The following SFI1 variants were observed in gnomAD, a reference collection of about 807,000 sequenced individuals.
The protein encoded by SFI1 is SFI1 centrin binding protein, also known as protein SFI1 homolog.
In SFI1, 195 loss-of-function variants were observed where a neutral mutation model predicts 207.5. The observed-to-expected ratio is 0.94, with a 90% confidence interval of 0.84 to 1.06. The LOEUF (loss-of-function observed/expected upper bound fraction) is 1.06, where lower values mean the gene tolerates loss of function less well. Ranked by LOEUF, SFI1 falls within the 50% of genes least tolerant of loss-of-function variation. The probability of loss-of-function intolerance (pLI) is 0.00; values close to 1 mark genes in which losing one functional copy is unlikely to be tolerated. For synonymous variants in SFI1, 630 were observed against 598.9 expected (o/e 1.05, Z -0.76); for missense variants, 1,634 against 1,588.0 (o/e 1.03, Z -0.49).
intron 7 of SFI1, among the ~76,000 whole-genome samples, chr22:31,559,137 ACT>A (rs2148217609): frequency 6.6e-6 from 1 of 151,890 alleles, no homozygotes; most frequent in South Asian, 2.1e-4. Context: ...TGTTCTTGGT[ACT>A]GGGCCAGGCA....
intron 12 of SFI1, among the ~76,000 whole-genome samples, chr22:31,582,046 T>G (rs183705700): frequency 6.6e-6 from 1 of 150,996 alleles, no homozygotes; most frequent in Non-Finnish European, 1.5e-5. Flanking sequence ...AAATGTCTTA[T>G]TTGTAGCTGC....
Position 31,618,140 on chromosome 22 carries a change from C to T in SFI1, c.3538C>T (p.Leu1180=), listed in dbSNP as rs2072125359. The T allele has an allele frequency of 6.3e-7, 1 of 1,584,202 alleles. No individual in the cohort carries two copies. The highest frequency in any genetic ancestry group is 2.3e-5 in the East Asian group (1 of 43,894). ...LWSCRRQASS[L]RRWLELNREE... ...GTCCTGTCGGCGGCAAGCGAGCAGC[C>T]TGCGCAGGTGGCTGGAGCTGAACAG... Residue 1180 remains leucine (L), a synonymous_variant, in exon 32 of 33, where the codon CTG becomes TTG. Coordinates refer to ENST00000400288, the MANE Select transcript of SFI1 (RefSeq NM_001007467.3).
At chr22:31,614,024 G>A (rs1313858893) in intron 27 of SFI1, 169 bp downstream of exon 27, 5 of 857,388 alleles carry the variant, frequency 5.8e-6, no homozygotes, top group South Asian at 4.9e-5. Context: ...TCCCTCCCAC[G>A]GCAAGAGGGA....
chr22:31,568,554 A>AAAAAGC (rs2062634445), intron 8 of SFI1, among the ~76,000 whole-genome samples: 1 of 150,876 alleles, frequency 6.6e-6, no homozygotes, highest in Non-Finnish European at 1.5e-5. Context: ...AAAAAAAAAA[A>AAAAAGC]AAGCATTAGA....
At chr22:31,545,564 A>AATTTT (rs1486178600) in intron 4 of SFI1, among the ~76,000 whole-genome samples, 2 of 126,212 alleles carry the variant, frequency 1.6e-5, no homozygotes, top group South Asian at 2.4e-4. Flanking sequence ...AATTTAATTT[A>AATTTT]ATTTAATTTA....
chr22:31,575,085 CG>C, intron 9 of SFI1, 145 bp from the exon 10 acceptor site: 1 of 284,002 alleles, frequency 3.5e-6, no homozygotes, highest in Admixed American at 5.7e-5. Context: ...AAACTTAGTG[CG>C]TGTGTGTGTG....
intron 15 of SFI1, among the ~76,000 whole-genome samples, chr22:31,596,867 C>A (rs1015562121): frequency 3.3e-5 from 5 of 151,328 alleles, no homozygotes; most frequent in Admixed American, 1.3e-4. Context: ...ACTGAAGACA[C>A]GCACACACAG....
In SFI1 at chr22:31,559,818, G is replaced by A. The variant is rs142749854; in HGVS notation, c.663-1472G>A. The A allele has an allele frequency of 3.6e-3, 2,557 of 700,650 alleles. 14 individuals carry two copies. The highest frequency in any genetic ancestry group is 6.4e-3 in the Middle Eastern group (16 of 2,482). The allele number at this position is 700,650 out of a possible 1,614,324, so 43.4% of individuals were successfully genotyped here. Reference sequence around the variant, plus strand: ...AAGAAGCTCCGTGCAGATGTGGAGCGACTGAAGAAGATTCAGGCCCATAGA... The same window carrying A: ...AAGAAGCTCCGTGCAGATGTGGAGCAACTGAAGAAGATTCAGGCCCATAGA... On this transcript the variant is annotated intron_variant, in intron 7 of 32. Transcript: ENST00000400288.
intron 11 of SFI1, among the ~76,000 whole-genome samples, chr22:31,579,464 T>C (rs1327804363): frequency 6.6e-6 from 1 of 151,990 alleles, no homozygotes; most frequent in Non-Finnish European, 1.5e-5. Context: ...TACAGGTGCC[T>C]GCCACCACAC....
At chr22:31,617,339 A>G (rs1019312917) in intron 31 of SFI1, among the ~76,000 whole-genome samples, 3 of 147,592 alleles carry the variant, frequency 2.0e-5, no homozygotes, top group African/African-American at 7.8e-5. Flanking sequence ...TCTGCTTCCT[A>G]TGGGGGGGAC....
chr22:31,556,975 C>A lies in SFI1; in HGVS notation c.578C>A (p.Ser193Tyr), dbSNP rs1396791654. 3 of 1,610,992 alleles carry A rather than the reference C, an allele frequency of 1.9e-6. No homozygotes were observed. The Admixed American group carries it at 5.0e-5, about 27-fold the overall frequency. The change falls in exon 7 of 33, where the codon TCC becomes TAC. Residue 193 changes from serine (S) to tyrosine (Y), a missense_variant. Coordinates refer to ENST00000400288, the MANE Select transcript of SFI1 (RefSeq NM_001007467.3). Reference sequence around the variant, plus strand: ...CAAAAGATGCGACAGGCCTGGAAGTCCTGGTTGATCTACGTGGTTGTTCGT... The same window carrying A: ...CAAAAGATGCGACAGGCCTGGAAGTACTGGTTGATCTACGTGGTTGTTCGT... ...AKQKMRQAWK[S>Y]WLIYVVVRRT...
intron 23 of SFI1, among the ~76,000 whole-genome samples, 156 bp from the exon 24 acceptor site, chr22:31,611,610 G>C (rs1467073811): frequency 6.6e-6 from 1 of 152,224 alleles, no homozygotes; most frequent in Non-Finnish European, 1.5e-5. Flanking sequence ...CCTCTAGGCG[G>C]CACTCCCTGC....
chr22:31,595,080 T>C (rs974855459), intron 15 of SFI1, among the ~76,000 whole-genome samples: 4 of 152,074 alleles, frequency 2.6e-5, no homozygotes, highest in African/African-American at 7.2e-5. Flanking sequence ...CACGGCAAAC[T>C]CCACATCCTG....
At chr22:31,503,601 T>G (rs2054154984) in intron 1 of SFI1, among the ~76,000 whole-genome samples, 1 of 149,838 alleles carries the variant, frequency 6.7e-6, no homozygotes, top group Admixed American at 6.6e-5. Flanking sequence ...TTTTTTTTTT[T>G]TTTGAGATGG....
At position 31,561,298 on chromosome 22, in the gene SFI1, G is replaced by A. The variant is rs765062649; in HGVS notation, c.671G>A (p.Trp224Ter). The A allele has an allele frequency of 6.2e-7, 1 of 1,613,944 alleles. No individual in the cohort carries two copies. The highest frequency in any genetic ancestry group is 8.5e-7 in the Non-Finnish European group (1 of 1,179,890). The change falls in exon 8 of 33, where the codon TGG becomes TAG. Residue 224 changes from tryptophan to a stop codon, truncating the protein, a stop_gained. Transcript: ENST00000400288. LOFTEE classifies it high-confidence loss of function. ...FRQRIILRVW[W>*]STWRQRLGQV... ...GATTTGCTGTTTCACAGGGTGTGGT[G>A]GAGCACGTGGAGGCAGCGACTAGGA...
intron 1 of SFI1, among the ~76,000 whole-genome samples, chr22:31,497,518 C>T (rs1269281224): frequency 1.3e-5 from 2 of 152,128 alleles, no homozygotes; most frequent in African/African-American, 4.8e-5. Context: ...CCTGCCAGTT[C>T]CCTGTTTCTC....
At chr22:31,587,832 G>A (rs911095053) in intron 14 of SFI1, 3 of 152,108 alleles carry the variant, frequency 2.0e-5, no homozygotes, top group African/African-American at 4.8e-5. Context: ...AAAGCAATGT[G>A]TAGATATTAT....
chr22:31,614,292 C>T (rs1008996721), intron 27 of SFI1: 3 of 322,710 alleles, frequency 9.3e-6, no homozygotes, highest in Non-Finnish European at 1.8e-5. Flanking sequence ...TGGCACCTGT[C>T]CCTCTGCCCA....
intron 15 of SFI1, among the ~76,000 whole-genome samples, chr22:31,595,179 G>T (rs1569425487): frequency 6.6e-6 from 1 of 151,602 alleles, no homozygotes. Context: ...TGTATCTTTA[G>T]TAGGGACGGG....
Sources: gnomAD v4.1 joint callset for allele counts (sites outside exome capture counted in the v4.1 genomes callset) on GRCh38, gnomAD v4.1.1 for gene constraint, MANE v1.5 for transcripts, NCBI Gene and HGNC (gene_info 2026-07-23, HGNC 2026-07-21) for gene names.